Variants in ZNF669 observed in about 807,000 individuals in gnomAD.
ZNF669 encodes the protein zinc finger protein 669.
ZNF669 carries 7 observed loss-of-function variants against 11.4 expected under a neutral mutation model. That is an observed-to-expected ratio of 0.62 (90% CI 0.35 to 1.16). The LOEUF is 1.16. ZNF669 is among the 50% of genes most tolerant of loss of function. The pLI, the probability that ZNF669 is intolerant of heterozygous loss-of-function variation, is 0.02. For missense variants in ZNF669, 492 were observed against 463.6 expected, an observed-to-expected ratio of 1.06 and a Z score of -0.56; for synonymous variants, 153 against 155.8, an observed-to-expected ratio of 0.98 and a Z score of 0.13.
chr1:247,103,259 G>A (rs1462006077), intron 1 of ZNF669, among the ~76,000 whole-genome samples: 1 of 152,216 alleles, frequency 6.6e-6, no homozygotes, highest in Non-Finnish European at 1.5e-5. Flanking sequence ...GAAAGATGAA[G>A]AGAGGCACAA....
chr1:247,103,787 T>A, intron 1 of ZNF669: 1 of 1,101,686 alleles, frequency 9.1e-7, no homozygotes, highest in Non-Finnish European at 1.3e-6. Flanking sequence ...ACACACGGTT[T>A]AACGTTTTAA....
In ZNF669 at chr1:247,104,328, G is replaced by A. The variant is rs372946934; in HGVS notation, c.-129C>T. ...CAAGAACTAGCAGCGGAGACTAACA[G>A]GAAGAGCCGGCTCCGGCGAAGGAGA... On this transcript the variant is annotated 5_prime_UTR_variant, in exon 1 of 4. Coordinates refer to ENST00000448299, the MANE Select transcript of ZNF669 (RefSeq NM_001142572.2). 17 of 1,265,114 alleles carry A rather than the reference G, an allele frequency of 1.3e-5. 1 individual carries two copies. In the South Asian group the frequency reaches 2.8e-4, roughly 21 times the overall value. The allele number at this position is 1,265,114 out of a possible 1,614,324, so 78.4% of individuals were successfully genotyped here.
intron 1 of ZNF669, 189 bp downstream of exon 1, chr1:247,104,008 A>T (rs1222925081): frequency 6.2e-7 from 1 of 1,600,694 alleles, no homozygotes; most frequent in East Asian, 2.3e-5. Flanking sequence ...AGGTACAGAC[A>T]GGATGCAGGG....
intron 1 of ZNF669, chr1:247,103,852 C>T (rs1196682824): frequency 1.2e-5 from 18 of 1,451,680 alleles, no homozygotes; most frequent in South Asian, 4.2e-5. Flanking sequence ...GCCCCATGAA[C>T]CACAGCTCCT....
chr1:247,100,648 A>T lies in ZNF669; in HGVS notation c.863T>A (p.Leu288Ter). Reference protein sequence around the residue: ...CKQCGKAFSRLSSLCNHRSTH... With the variant: ...CKQCGKAFSR ...ACTTCTATGGTTACAAAGGGAACTC[A>T]AACGACTAAAGGCTTTGCCACATTG... The change falls in exon 4 of 4, where the codon TTG becomes TAG. Residue 288 changes from leucine to a stop codon, truncating the protein, a stop_gained. Transcript: ENST00000448299. LOFTEE classifies it low-confidence loss of function (END_TRUNC). 1 of 1,614,044 alleles carries T rather than the reference A, an allele frequency of 6.2e-7. No individual in the cohort carries two copies. The highest frequency in any genetic ancestry group is 8.5e-7 in the Non-Finnish European group (1 of 1,179,874).
chr1:247,104,233 G>T lies in ZNF669; in HGVS notation c.-34C>A. The T allele has an allele frequency of 6.6e-7, 1 of 1,504,620 alleles. No individual in the cohort carries two copies. Among genetic ancestry groups the T allele is most frequent in the East Asian group, 2.4e-5 (1 of 41,680 alleles). 93.2% of individuals were successfully genotyped at this position (1,504,620 alleles called of 1,614,324 possible). A position where few individuals can be genotyped will look rare whatever the true frequency, so the allele number is the denominator to read the frequency against. ...TTCCCGGGTGTCCTGGCGTCAGCTA[G>T]GGATGTCCCAATACTCGCAGGTCAC... On this transcript the variant is annotated 5_prime_UTR_variant, in exon 1 of 4. Transcript: ENST00000448299.
chr1:247,101,332 G>A lies in ZNF669; in HGVS notation c.192-13C>T, dbSNP rs188809527. 4.9e-5 allele frequency: 75 copies of A among 1,536,458 alleles called. 1 individual carries two copies. In the Middle Eastern group the frequency reaches 8.8e-4, roughly 18 times the overall value. On this transcript the variant is annotated splice_polypyrimidine_tract_variant and intron_variant, in intron 3 of 3. Coordinates refer to ENST00000448299, the MANE Select transcript of ZNF669 (RefSeq NM_001142572.2). Reference sequence around the variant, plus strand: ...TACGATATGATTTCTGTAAAAAAATGACAAGCACATTATTATTGGTTGGTT... The same window carrying A: ...TACGATATGATTTCTGTAAAAAAATAACAAGCACATTATTATTGGTTGGTT...
At position 247,100,418 on chromosome 1, in the gene ZNF669, A is replaced by G; in HGVS notation, c.1093T>C (p.Tyr365His). ...TGGCCTCCCAAAGTGCTGGGATTAT[A>G]GGCTGAGTCACTACACCCAGCCTCT... is the stretch of plus-strand genomic sequence containing the variant. ...DIEAGCSDSAYNPSTLGGQGV... is the reference protein window; with the variant it reads ...DIEAGCSDSAHNPSTLGGQGV... Residue 365 changes from tyrosine to histidine, a missense_variant, in exon 4 of 4, where the codon TAT becomes CAT. Physicochemically the swap from Tyr to His is moderately conservative, Grantham distance 83. Coordinates refer to ENST00000448299, the MANE Select transcript of ZNF669 (RefSeq NM_001142572.2). 6.2e-7 allele frequency: 1 copy of G among 1,613,742 alleles called. No individual in the cohort carries two copies. Among genetic ancestry groups the G allele is most frequent in the Non-Finnish European group, 8.5e-7 (1 of 1,179,786 alleles).
intron 1 of ZNF669, chr1:247,103,944 TA>T: frequency 6.3e-7 from 1 of 1,599,906 alleles, no homozygotes; most frequent in Non-Finnish European, 8.5e-7. Flanking sequence ...ACTACCTGGA[TA>T]GGGGAGGCGA....
At chr1:247,101,606 T>C in intron 3 of ZNF669, 125 bp downstream of exon 3, 7 of 1,006,782 alleles carry the variant, frequency 7.0e-6, no homozygotes, top group Non-Finnish European at 1.0e-5. Flanking sequence ...ACATTTTGGG[T>C]GAAATTTTTC....
At chr1:247,103,930 CCA>C (rs1457563991) in intron 1 of ZNF669, 1 of 1,593,764 alleles carries the variant, frequency 6.3e-7, no homozygotes, top group East Asian at 2.3e-5. Flanking sequence ...CCCGTGGTCA[CCA>C]CACTACCTGG....
chr1:247,100,178 G>A lies in ZNF669; in HGVS notation c.*196C>T, dbSNP rs536700053. 1.0e-5 allele frequency: 5 copies of A among 499,252 alleles called. No homozygotes were observed. The East Asian group carries it at 1.6e-4, about 16-fold the overall frequency. The allele number at this position is 499,252 out of a possible 1,614,324, so 30.9% of individuals were successfully genotyped here. A position where few individuals can be genotyped will look rare whatever the true frequency, so the allele number is the denominator to read the frequency against. ...TTTTTGTATTTTTAGTAGAGACGGG[G>A]TTTCACCGTGTTGGCCAGGATGGTC... On this transcript the variant is annotated 3_prime_UTR_variant, in exon 4 of 4. Transcript: ENST00000448299.
Position 247,103,947 on chromosome 1 carries a change from G to C in ZNF669, c.3+250C>G, listed in dbSNP as rs778093827. ...CGTGGTCACCACACTACCTGGATAG[G>C]GGAGGCGAGGGGTTCCCGACAGGGC... On this transcript the variant is annotated intron_variant, in intron 1 of 3. Transcript: ENST00000448299. 8 of 1,601,358 alleles carry C rather than the reference G, an allele frequency of 5.0e-6. No individual in the cohort carries two copies. In the South Asian group the frequency reaches 6.7e-5, roughly 13 times the overall value.
chr1:247,103,611 G>A (rs1334258667), intron 1 of ZNF669, among the ~76,000 whole-genome samples: 3 of 125,732 alleles, frequency 2.4e-5, no homozygotes, highest in South Asian at 5.5e-4. Flanking sequence ...CCAGCCTGGC[G>A]ACAGGGCGAG....
Position 247,100,781 on chromosome 1 carries a change from C to CAGAA in ZNF669, c.729_730insTTCT (p.Gly244PhefsTer7). On this transcript the variant is annotated frameshift_variant, in exon 4 of 4. Coordinates refer to ENST00000448299, the MANE Select transcript of ZNF669 (RefSeq NM_001142572.2). LOFTEE classifies it low-confidence loss of function (END_TRUNC). ...TTGGTACATTTATAGGGTCTTTCTC[C>CAGAA]AGTGTGAGTCCTTTCATGCGTCTTA... The CAGAA allele has an allele frequency of 1.2e-6, 2 of 1,613,784 alleles. No homozygotes were observed. The highest frequency in any genetic ancestry group is 2.7e-5 in the African/African-American group (2 of 75,016).
rs1379521201 is a variant in ZNF669 at position 247,104,310 on chromosome 1, T to C, written c.-111A>G. On this transcript the variant is annotated 5_prime_UTR_variant, in exon 1 of 4. Coordinates refer to ENST00000448299, the MANE Select transcript of ZNF669 (RefSeq NM_001142572.2). ...ACCTGGGCCTCCCAGAGCCAAGAACTAGCAGCGGAGACTAACAGGAAGAGC... is the reference window on the plus strand; with the variant it reads ...ACCTGGGCCTCCCAGAGCCAAGAACCAGCAGCGGAGACTAACAGGAAGAGC... 49 of 1,349,806 alleles carry C rather than the reference T, an allele frequency of 3.6e-5. No individual in the cohort carries two copies. The highest frequency in any genetic ancestry group is 4.4e-5 in the Non-Finnish European group (45 of 1,033,574). 83.6% of individuals were successfully genotyped at this position (1,349,806 alleles called of 1,614,324 possible).
chr1:247,101,584 T>C lies in ZNF669; in HGVS notation c.191+147A>G, dbSNP rs192916621. On this transcript the variant is annotated intron_variant, in intron 3 of 3. Coordinates refer to ENST00000448299, the MANE Select transcript of ZNF669 (RefSeq NM_001142572.2). ...TCTTTTGCAAACACTGACTGCTACA[T>C]TGAAGTACGTTACATTTTGGGTGAA... 2.7e-4 allele frequency: 219 copies of C among 807,134 alleles called. No individual in the cohort carries two copies. In the African/African-American group the frequency reaches 3.5e-3, roughly 13 times the overall value. The allele number at this position is 807,134 out of a possible 1,614,324, so 50.0% of individuals were successfully genotyped here.
At position 247,100,301 on chromosome 1, in the gene ZNF669, A is replaced by C. The variant is rs1355852460; in HGVS notation, c.*73T>G. On this transcript the variant is annotated 3_prime_UTR_variant, in exon 4 of 4. Coordinates refer to ENST00000448299, the MANE Select transcript of ZNF669 (RefSeq NM_001142572.2). ...GCCCGGCATTATTTTATTTTTTGTA[A>C]AGACAGGGTTTCACCATGTTGCCCA... 5 of 947,328 alleles carry C rather than the reference A, an allele frequency of 5.3e-6. No homozygotes were observed. The African/African-American group carries it at 8.3e-5, about 16-fold the overall frequency. 58.7% of individuals were successfully genotyped at this position (947,328 alleles called of 1,614,324 possible). A position where few individuals can be genotyped will look rare whatever the true frequency, so the allele number is the denominator to read the frequency against.
In ZNF669 at chr1:247,101,310, G is replaced by A. The variant is rs766578013; in HGVS notation, c.201C>T (p.Ile67=). ...EKPGKDIRNH[I]VQRLCESKED... is the part of the protein sequence containing the mutation. ...CTTTACTTTCACACAGTCTCTGTAC[G>A]ATATGATTTCTGTAAAAAAATGACA... is the stretch of plus-strand genomic sequence containing the variant. Residue 67 remains isoleucine (I), a synonymous_variant, in exon 4 of 4, where the codon ATC becomes ATT. Transcript: ENST00000448299. The A allele has an allele frequency of 2.8e-5, 44 of 1,552,686 alleles. No individual in the cohort carries two copies. The African/African-American group carries it at 3.7e-4, about 13-fold the overall frequency.
Sources: allele counts gnomAD v4.1 joint callset (sites outside exome capture counted in the v4.1 genomes callset), GRCh38; gene constraint gnomAD v4.1.1; transcripts MANE v1.5; gene names NCBI Gene and HGNC (gene_info 2026-07-23, HGNC 2026-07-21).